The following SORT1 variants were observed in gnomAD, a reference collection of about 807,000 sequenced individuals.
SORT1 encodes sortilin 1, also known as sortilin.
A neutral mutation model predicts 101.7 loss-of-function variants in SORT1; 39 were observed. The ratio of observed to expected loss-of-function variants is 0.38; its 90% CI spans 0.30 to 0.50. The LOEUF (loss-of-function observed/expected upper bound fraction) is 0.50. Ranked by LOEUF, SORT1 falls within the 20% of genes least tolerant of loss-of-function variation. The probability of loss-of-function intolerance (pLI) is 0.90; values close to 1 mark genes in which losing one functional copy is unlikely to be tolerated. For synonymous variants in SORT1, 396 were observed against 393.7 expected (o/e 1.01, Z -0.07); for missense variants, 878 against 1,040.4 (o/e 0.84, Z 2.15).
rs1052017478 is a variant in SORT1 at position 109,369,392 on chromosome 1, T to C, written c.366+138A>G. On this transcript the variant is annotated intron_variant, in intron 2 of 19. Coordinates refer to ENST00000256637, the MANE Select transcript of SORT1 (RefSeq NM_002959.7). Reference sequence around the variant, plus strand: ...ACACAACTACAACTTCCTGAAAGTCTGTCTTGCAAACATGTGTTTTCTGTG... The same window carrying C: ...ACACAACTACAACTTCCTGAAAGTCCGTCTTGCAAACATGTGTTTTCTGTG... The C allele has an allele frequency of 1.5e-5, 9 of 614,656 alleles. No individual in the cohort carries two copies. In the Admixed American group the frequency reaches 2.0e-4, roughly 14 times the overall value. The allele number at this position is 614,656 out of a possible 1,614,324, so 38.1% of individuals were successfully genotyped here.
chr1:109,318,080 T>G lies in SORT1; in HGVS notation c.2025-111A>C, dbSNP rs554983678. 9.0e-6 allele frequency: 6 copies of G among 667,428 alleles called. No homozygotes were observed. In the South Asian group the frequency reaches 1.1e-4, roughly 13 times the overall value. The allele number at this position is 667,428 out of a possible 1,614,324, so 41.3% of individuals were successfully genotyped here. ...GATGGTTAACATTCCAGTCTTGGGT[T>G]GTTAGAAAGTAGCTCAGGAAGTCCT... On this transcript the variant is annotated intron_variant, in intron 15 of 19. Transcript: ENST00000256637.
chr1:109,372,729 C>T (rs1570967962), intron 1 of SORT1, among the ~76,000 whole-genome samples: 2 of 151,934 alleles, frequency 1.3e-5, no homozygotes, highest in East Asian at 3.9e-4. Context: ...GAAACCCCGT[C>T]TCTACTAAAG....
chr1:109,318,908 G>A (rs143497754), intron 15 of SORT1, among the ~76,000 whole-genome samples: 2,568 of 152,256 alleles, frequency 0.017, 65 homozygotes, highest in African/African-American at 0.058. Flanking sequence ...GCCTCCCAAA[G>A]TGCTGGCATT....
At chr1:109,359,778 G>A (rs1650586195) in intron 3 of SORT1, among the ~76,000 whole-genome samples, 1 of 152,184 alleles carries the variant, frequency 6.6e-6, no homozygotes, top group Admixed American at 6.5e-5. Context: ...GGGATTACAG[G>A]CATGAGTTAC....
chr1:109,315,023 A>G (rs139738523), intron 17 of SORT1, among the ~76,000 whole-genome samples: 1 of 152,266 alleles, frequency 6.6e-6, no homozygotes, highest in African/African-American at 2.4e-5. Flanking sequence ...TTTAAATGTC[A>G]AAGTTACACT....
At chr1:109,378,729 T>G in intron 1 of SORT1, among the ~76,000 whole-genome samples, 1 of 96,804 alleles carries the variant, frequency 1.0e-5, no homozygotes, top group African/African-American at 4.6e-5. Flanking sequence ...TATATATATA[T>G]ATATATATAT....
chr1:109,350,943 T>C lies in SORT1; in HGVS notation c.768A>G (p.Val256=). The change falls in exon 6 of 20, where the codon GTA becomes GTG. Residue 256 remains valine (V), a synonymous_variant. Transcript: ENST00000256637. The part of the protein sequence containing the change: ...GGKWEEIHKA[V]CLAKWGSDNT... ...CTGTTACTCACCATTTGGCCAAACA[T>C]ACTGCTTTGTGGATTTCTTCCCATT... 1.2e-6 allele frequency: 2 copies of C among 1,611,638 alleles called. No individual in the cohort carries two copies. The highest frequency in any genetic ancestry group is 1.1e-5 in the South Asian group (1 of 91,034).
chr1:109,370,733 A>C (rs1244639759), intron 1 of SORT1, among the ~76,000 whole-genome samples: 2 of 152,140 alleles, frequency 1.3e-5, no homozygotes, highest in Non-Finnish European at 2.9e-5. Flanking sequence ...CAGATATGAG[A>C]AGCTCCTTGG....
At chr1:109,390,894 A>G (rs966205607) in intron 1 of SORT1, among the ~76,000 whole-genome samples, 1 of 152,144 alleles carries the variant, frequency 6.6e-6, no homozygotes, top group Non-Finnish European at 1.5e-5. Context: ...AGGAACATAC[A>G]TACGTTTTCT....
In SORT1 at chr1:109,331,873, A is replaced by G. The variant is rs1648473400; in HGVS notation, c.1372-4272T>C. Among the ~76,000 whole-genome samples the G allele has an allele frequency of 3.9e-5, 6 of 151,948 alleles. No individual in the cohort carries two copies. In the South Asian group the frequency reaches 1.2e-3, roughly 31 times the overall value. Reference sequence around the variant, plus strand: ...AAATCAACATATAAAAATACAATATACACTAACAACAAACTATCCAAAAAA... The same window carrying G: ...AAATCAACATATAAAAATACAATATGCACTAACAACAAACTATCCAAAAAA... On this transcript the variant is annotated intron_variant, in intron 11 of 19. Coordinates refer to ENST00000256637, the MANE Select transcript of SORT1 (RefSeq NM_002959.7).
chr1:109,390,306 G>C lies in SORT1; in HGVS notation c.306+7281C>G, dbSNP rs567044674. Among the ~76,000 whole-genome samples the C allele has an allele frequency of 1.1e-4, 16 of 152,256 alleles. No homozygotes were observed. In the South Asian group the frequency reaches 1.7e-3, roughly 16 times the overall value. On this transcript the variant is annotated intron_variant, in intron 1 of 19. Transcript: ENST00000256637. ...TTTGCTTTGTTTATGCACAGGTCTG[G>C]ACTCCACTCAGTACATGGCAGGCAG...
chr1:109,319,224 C>G (rs1647454635), intron 15 of SORT1, among the ~76,000 whole-genome samples: 1 of 152,214 alleles, frequency 6.6e-6, no homozygotes, highest in South Asian at 2.1e-4. Flanking sequence ...GTCCTCCATT[C>G]TACCCCATCT....
At chr1:109,376,086 T>C (rs1262767269) in intron 1 of SORT1, among the ~76,000 whole-genome samples, 1 of 152,204 alleles carries the variant, frequency 6.6e-6, no homozygotes, top group Non-Finnish European at 1.5e-5. Context: ...CTCACGCTTG[T>C]AATCCCAGCA....
At chr1:109,369,242 A>C (rs1337743762) in intron 2 of SORT1, among the ~76,000 whole-genome samples, 1 of 152,150 alleles carries the variant, frequency 6.6e-6, no homozygotes, top group African/African-American at 2.4e-5. Context: ...GAATCGCTTG[A>C]ACCCGGGAGG....
chr1:109,317,180 G>A (rs1028377774), intron 16 of SORT1, among the ~76,000 whole-genome samples: 3 of 152,096 alleles, frequency 2.0e-5, no homozygotes, highest in African/African-American at 7.2e-5. Flanking sequence ...TCAGAAACAT[G>A]CCTGTTCTTT....
In SORT1 at chr1:109,340,743, T is replaced by G; in HGVS notation, c.1245A>C (p.Ile415=). 1 of 1,614,110 alleles carries G rather than the reference T, an allele frequency of 6.2e-7. No individual in the cohort carries two copies. Among genetic ancestry groups the G allele is most frequent in the Non-Finnish European group, 8.5e-7 (1 of 1,180,008 alleles). ...ACTCACCTTCGGAGAGCACGCTTGT[T>G]ATGTAGACGCCGCGGAGGGAGGTCA... ...TNVTSLRGVY[I]TSVLSEDNSI... is the part of the protein sequence containing the mutation. Residue 415 remains isoleucine, a synonymous_variant, in exon 10 of 20, where the codon ATA becomes ATC. Coordinates refer to ENST00000256637, the MANE Select transcript of SORT1 (RefSeq NM_002959.7).
At chr1:109,371,566 C>A (rs1651485352) in intron 1 of SORT1, among the ~76,000 whole-genome samples, 1 of 152,160 alleles carries the variant, frequency 6.6e-6, no homozygotes, top group Admixed American at 6.5e-5. Flanking sequence ...CAGTCTTGAG[C>A]CAATCAGGAC....
Position 109,313,226 on chromosome 1 carries a change from C to G in SORT1, c.*817G>C, listed in dbSNP as rs768042236. 1.3e-5 allele frequency: 2 copies of G among 152,628 alleles called. No homozygotes were observed. The highest frequency in any genetic ancestry group is 2.9e-5 in the Non-Finnish European group (2 of 68,052). 9.5% of individuals were successfully genotyped at this position (152,628 alleles called of 1,614,324 possible). On this transcript the variant is annotated 3_prime_UTR_variant, in exon 20 of 20. Coordinates refer to ENST00000256637, the MANE Select transcript of SORT1 (RefSeq NM_002959.7). ...TTGCGTAAGTCTACTGGCACACACACAAAGCACAGCTTGAAAAATCTCAGA... is the reference window on the plus strand; with the variant it reads ...TTGCGTAAGTCTACTGGCACACACAGAAAGCACAGCTTGAAAAATCTCAGA...
intron 3 of SORT1, among the ~76,000 whole-genome samples, chr1:109,361,772 C>T (rs1449667847): frequency 6.6e-6 from 1 of 151,994 alleles, no homozygotes; most frequent in African/African-American, 2.4e-5. Context: ...TTTGTAATCC[C>T]CAAATCAGTA....
Sources: allele counts gnomAD v4.1 joint callset (sites outside exome capture counted in the v4.1 genomes callset), GRCh38; gene constraint gnomAD v4.1.1; transcripts MANE v1.5; gene names NCBI Gene and HGNC (gene_info 2026-07-23, HGNC 2026-07-21).